The following MPDZ variants were observed in gnomAD, a reference collection of about 807,000 sequenced individuals.
MPDZ encodes the protein multiple PDZ domain crumbs cell polarity complex component.
A neutral mutation model predicts 239.1 loss-of-function variants in MPDZ; 234 were observed. The observed-to-expected ratio is 0.98, with a 90% CI of 0.88 to 1.09. The LOEUF is 1.09. Ranked by LOEUF, MPDZ falls within the 50% of genes least tolerant of loss-of-function variation. The pLI, the probability that MPDZ is intolerant of heterozygous loss-of-function variation, is 0.00. For missense variants in MPDZ, 3,175 were observed against 2,510.0 expected (o/e 1.26, Z -5.66); for synonymous variants, 1,048 against 881.3 (o/e 1.19, Z -3.35).
intron 29 of MPDZ, among the ~76,000 whole-genome samples, chr9:13,137,419 G>C (rs1946986485): frequency 6.6e-6 from 1 of 152,128 alleles, no homozygotes; most frequent in Non-Finnish European, 1.5e-5. Flanking sequence ...AAAATCATGT[G>C]GATCCCAGCC....
At chr9:13,193,913 G>C (rs1380192295) in intron 13 of MPDZ, among the ~76,000 whole-genome samples, 2 of 152,042 alleles carry the variant, frequency 1.3e-5, no homozygotes, top group Non-Finnish European at 1.5e-5. Flanking sequence ...GCAACTGAGG[G>C]ATAAAAGGAC....
intron 12 of MPDZ, among the ~76,000 whole-genome samples, chr9:13,198,737 C>CTCTCTCTGTGTGTGTGTGTGTGTGTG (rs755487892): frequency 1.0e-3 from 70 of 69,764 alleles, no homozygotes; most frequent in Admixed American, 1.7e-3. Context: ...ATCTCTCTCT[C>CTCTCTCTGTGTGTGTGTGTGTGTGTG]TGTGTGTGTG....
intron 12 of MPDZ, among the ~76,000 whole-genome samples, chr9:13,201,353 A>ATT (rs71331529): frequency 6.8e-6 from 1 of 146,548 alleles, no homozygotes; most frequent in Non-Finnish European, 1.5e-5. Context: ...TGCTTTCAGT[A>ATT]TTTTTTTTTT....
Position 13,168,523 on chromosome 9 carries a change from C to A in MPDZ, c.3097G>T (p.Val1033Phe). 6.2e-7 allele frequency: 1 copy of A among 1,612,788 alleles called. No individual in the cohort carries two copies. Among genetic ancestry groups the A allele is most frequent in the South Asian group, 1.1e-5 (1 of 90,840 alleles). Residue 1033 changes from valine to phenylalanine, a missense_variant, in exon 22 of 47, where the codon GTT becomes TTT. Physicochemically the swap from Val to Phe is conservative, Grantham distance 50. Transcript: ENST00000319217. The stretch of plus-strand genomic sequence containing the variant: ...GCACCTCCATGAATAATGCTTCGAA[C>A]GATCATCCCCAAGCCATCTTTATTA... The part of the protein sequence containing the change: ...SANKDGLGMI[V>F]RSIIHGGAIS...
chr9:13,129,225 G>A (rs1945564999), intron 32 of MPDZ, among the ~76,000 whole-genome samples: 1 of 152,142 alleles, frequency 6.6e-6, no homozygotes, highest in South Asian at 2.1e-4. Flanking sequence ...CACTTTGGGA[G>A]GCTGAGGCAG....
intron 1 of MPDZ, among the ~76,000 whole-genome samples, chr9:13,272,566 T>C (rs1421317902): frequency 2.0e-5 from 3 of 151,412 alleles, no homozygotes; most frequent in African/African-American, 4.9e-5. Context: ...AATCCCAAAT[T>C]AGAAAATGAG....
intron 1 of MPDZ, among the ~76,000 whole-genome samples, chr9:13,275,960 C>G (rs897069098): frequency 8.5e-5 from 13 of 152,198 alleles, no homozygotes; most frequent in African/African-American, 2.9e-4. Flanking sequence ...CCTCTCATCT[C>G]AAGACCAAAG....
At chr9:13,255,319 C>A (rs1969172041) in intron 1 of MPDZ, among the ~76,000 whole-genome samples, 1 of 152,172 alleles carries the variant, frequency 6.6e-6, no homozygotes, top group East Asian at 1.9e-4. Context: ...CAGTGTTATT[C>A]ATAAGAGTTT....
intron 1 of MPDZ, among the ~76,000 whole-genome samples, chr9:13,278,864 C>A (rs893184408): frequency 2.0e-5 from 3 of 151,992 alleles, no homozygotes. Flanking sequence ...GACCACGTAA[C>A]GGCGGATGGG....
In MPDZ at chr9:13,110,630, T is replaced by C; in HGVS notation, c.5829+6A>G. The C allele has an allele frequency of 1.2e-6, 2 of 1,610,586 alleles. No individual in the cohort carries two copies. ...TTCTGAATTATGCTTGGGATAAAAA[T>C]CTTACCTGCATTTCAATGGAGCCAG... On this transcript the variant is annotated splice_donor_region_variant and intron_variant, in intron 44 of 46. Transcript: ENST00000319217.
intron 32 of MPDZ, among the ~76,000 whole-genome samples, chr9:13,130,412 T>C (rs899059344): frequency 1.3e-5 from 2 of 151,902 alleles, no homozygotes; most frequent in Admixed American, 6.6e-5. Context: ...CCCTTATGCA[T>C]GTACGGCACA....
intron 3 of MPDZ, among the ~76,000 whole-genome samples, chr9:13,242,788 G>A (rs1189784755): frequency 6.6e-6 from 1 of 152,132 alleles, no homozygotes; most frequent in Admixed American, 6.5e-5. Context: ...CTCAACCTCA[G>A]CAATGCAGAC....
Position 13,186,406 on chromosome 9 carries a change from T to C in MPDZ, c.2365-20A>G, listed in dbSNP as rs922023034. 4.0e-6 allele frequency: 6 copies of C among 1,487,294 alleles called. No homozygotes were observed. In the African/African-American group the frequency reaches 5.6e-5, roughly 14 times the overall value. The allele number at this position is 1,487,294 out of a possible 1,614,324, so 92.1% of individuals were successfully genotyped here. A position where few individuals can be genotyped will look rare whatever the true frequency, so the allele number is the denominator to read the frequency against. On this transcript the variant is annotated intron_variant, in intron 17 of 46. Transcript: ENST00000319217. ...TGAAAGCTGCAGGGAAAAAATGGTA[T>C]TCATGGAAAAGAGAGAGAACAGCAA...
chr9:13,226,507 A>C (rs1338893102), intron 3 of MPDZ, among the ~76,000 whole-genome samples: 1 of 151,994 alleles, frequency 6.6e-6, no homozygotes, highest in East Asian at 1.9e-4. Flanking sequence ...TCAAAGTGCC[A>C]AGCTGTTCAC....
intron 23 of MPDZ, among the ~76,000 whole-genome samples, chr9:13,161,572 T>C (rs1048720784): frequency 3.3e-5 from 5 of 150,904 alleles, no homozygotes; most frequent in Admixed American, 2.0e-4. Flanking sequence ...AAACTCCGTC[T>C]CAAAAAAAAA....
At chr9:13,109,885 C>T (rs748643417) in intron 45 of MPDZ, 67 bp downstream of exon 45, 29 of 1,242,692 alleles carry the variant, frequency 2.3e-5, no homozygotes, top group East Asian at 9.8e-5. Flanking sequence ...GGACAGAGAA[C>T]GCAACTGTCA....
intron 1 of MPDZ, among the ~76,000 whole-genome samples, chr9:13,261,548 G>C (rs777946861): frequency 8.6e-5 from 13 of 152,044 alleles, no homozygotes; most frequent in Non-Finnish European, 1.9e-4. Context: ...ATTTGAGGGA[G>C]CAAAGACAAT....
intron 10 of MPDZ, among the ~76,000 whole-genome samples, chr9:13,206,798 TC>T (rs1409252464): frequency 1.3e-5 from 2 of 152,056 alleles, no homozygotes; most frequent in Admixed American, 1.3e-4. Context: ...CGCCTCGGCC[TC>T]CCAAAGTGCT....
At chr9:13,122,645 C>G (rs567712123) in intron 36 of MPDZ, among the ~76,000 whole-genome samples, 2 of 152,096 alleles carry the variant, frequency 1.3e-5, no homozygotes, top group African/African-American at 4.8e-5. Context: ...CTCAACCTCC[C>G]AAGTAGCTGG....
Sources: gnomAD v4.1 joint callset for allele counts (sites outside exome capture counted in the v4.1 genomes callset) on GRCh38, gnomAD v4.1.1 for gene constraint, MANE v1.5 for transcripts, NCBI Gene and HGNC (gene_info 2026-07-23, HGNC 2026-07-21) for gene names.